SYNPR: variants seen among roughly 807,000 people sequenced by gnomAD.
The protein encoded by SYNPR is synaptoporin.
In SYNPR, 23 loss-of-function variants were observed where a neutral mutation model predicts 32.9. That is an observed-to-expected ratio of 0.70 (90% CI 0.50 to 0.99). The LOEUF (loss-of-function observed/expected upper bound fraction) is 0.99, where lower values mean the gene tolerates loss of function less well. Among genes scored for constraint, SYNPR ranks in the 50% least tolerant of loss-of-function variants. The pLI, the probability that SYNPR is intolerant of heterozygous loss-of-function variation, is 0.00. For missense variants in SYNPR, 318 were observed against 349.3 expected, an observed-to-expected ratio of 0.91 and a Z score of 0.71; for synonymous variants, 146 against 135.9, an observed-to-expected ratio of 1.07 and a Z score of -0.52.
intron 4 of SYNPR, among the ~76,000 whole-genome samples, chr3:63,574,240 C>A (rs886069761): frequency 8.5e-5 from 13 of 152,090 alleles, no homozygotes; most frequent in Non-Finnish European, 1.9e-4. Context: ...AAATTTATTT[C>A]CCACATTTTG....
chr3:63,502,778 T>C (rs2106739386), intron 3 of SYNPR, among the ~76,000 whole-genome samples: 1 of 152,288 alleles, frequency 6.6e-6, no homozygotes, highest in South Asian at 2.1e-4. Context: ...AGCTCCTTTC[T>C]TTTTAGCACT....
rs868064093 is a variant in SYNPR at position 63,490,732 on chromosome 3, C to A, written c.209+9776C>A. Reference sequence around the variant, plus strand: ...GTTCCTGATTTTGGTTCATGGGCACCCCTTGGACCCACTAGGTTTTTTGTT... The same window carrying A: ...GTTCCTGATTTTGGTTCATGGGCACACCTTGGACCCACTAGGTTTTTTGTT... On this transcript the variant is annotated intron_variant, in intron 3 of 5. Transcript: ENST00000478300. Among the ~76,000 whole-genome samples the A allele has an allele frequency of 1.2e-4, 18 of 152,004 alleles. No individual in the cohort carries two copies. In the Middle Eastern group the frequency reaches 0.01, roughly 86 times the overall value.
chr3:63,316,708 G>A (rs2087047215), intron 2 of SYNPR, among the ~76,000 whole-genome samples: 1 of 151,522 alleles, frequency 6.6e-6, no homozygotes, highest in Non-Finnish European at 1.5e-5. Flanking sequence ...TTTATCTTTT[G>A]TATTTTTTGC....
intron 4 of SYNPR, among the ~76,000 whole-genome samples, chr3:63,592,624 G>C (rs920775854): frequency 9.9e-5 from 15 of 152,078 alleles, no homozygotes; most frequent in South Asian, 2.1e-4. Flanking sequence ...GAATTATTAG[G>C]ATGTTTAAGG....
chr3:63,457,987 T>C (rs1700515898), intron 2 of SYNPR, among the ~76,000 whole-genome samples: 1 of 152,166 alleles, frequency 6.6e-6, no homozygotes. Flanking sequence ...AATTAATCTC[T>C]TTCCCAGATT....
At chr3:63,332,919 G>A (rs2087245598) in intron 2 of SYNPR, among the ~76,000 whole-genome samples, 2 of 152,178 alleles carry the variant, frequency 1.3e-5, no homozygotes, top group South Asian at 4.2e-4. Context: ...GGATGGCAGT[G>A]GCATCCCAGG....
chr3:63,570,987 T>C (rs1702875832), intron 4 of SYNPR, among the ~76,000 whole-genome samples: 1 of 152,186 alleles, frequency 6.6e-6, no homozygotes, highest in Non-Finnish European at 1.5e-5. Flanking sequence ...CCCCAAAATA[T>C]AGACTACGCA....
chr3:63,293,783 CT>C (rs2086766355), intron 2 of SYNPR, among the ~76,000 whole-genome samples: 1 of 150,190 alleles, frequency 6.7e-6, no homozygotes. Flanking sequence ...CATGGTTATA[CT>C]GTGTGTGTGT....
At chr3:63,588,819 C>T (rs543028432) in intron 4 of SYNPR, among the ~76,000 whole-genome samples, 1 of 152,198 alleles carries the variant, frequency 6.6e-6, no homozygotes, top group Admixed American at 6.6e-5. Flanking sequence ...ATTGTGTGAA[C>T]TGATCCACCC....
At chr3:63,351,865 A>G (rs1485654205) in intron 2 of SYNPR, among the ~76,000 whole-genome samples, 1 of 152,246 alleles carries the variant, frequency 6.6e-6, no homozygotes, top group Non-Finnish European at 1.5e-5. Flanking sequence ...AAGTAGTGAA[A>G]GAATGAATGA....
At chr3:63,325,854 C>T (rs1488990987) in intron 2 of SYNPR, among the ~76,000 whole-genome samples, 1 of 152,048 alleles carries the variant, frequency 6.6e-6, no homozygotes, top group Non-Finnish European at 1.5e-5. Flanking sequence ...CTTTCACTTC[C>T]TGCTGAAGAT....
intron 2 of SYNPR, among the ~76,000 whole-genome samples, chr3:63,396,132 C>T (rs923854391): frequency 6.6e-6 from 1 of 152,120 alleles, no homozygotes; most frequent in African/African-American, 2.4e-5. Flanking sequence ...GAGTGATTAC[C>T]CCTGCACATT....
intron 1 of SYNPR, among the ~76,000 whole-genome samples, chr3:63,247,525 T>C (rs2086301458): frequency 6.6e-6 from 1 of 152,070 alleles, no homozygotes; most frequent in South Asian, 2.1e-4. Context: ...TCTCTGCCTA[T>C]GGAGTGTGCT....
At chr3:63,491,273 A>G (rs1701253200) in intron 3 of SYNPR, among the ~76,000 whole-genome samples, 1 of 152,172 alleles carries the variant, frequency 6.6e-6, no homozygotes. Context: ...TCAGGAAACA[A>G]GAGCTCATGC....
intron 4 of SYNPR, 119 bp downstream of exon 4, chr3:63,556,860 T>C: frequency 1.0e-6 from 1 of 970,004 alleles, no homozygotes; most frequent in South Asian, 2.0e-5. Flanking sequence ...GAAATCACAT[T>C]CTTTTTTATC....
intron 1 of SYNPR, among the ~76,000 whole-genome samples, chr3:63,232,842 C>G (rs758266642): frequency 5.9e-5 from 9 of 152,060 alleles, no homozygotes; most frequent in Non-Finnish European, 1.3e-4. Context: ...TAGAAAAAAA[C>G]AAAGATGCGG....
intron 4 of SYNPR, among the ~76,000 whole-genome samples, chr3:63,578,144 C>T (rs1196492350): frequency 6.6e-6 from 1 of 152,164 alleles, no homozygotes; most frequent in Non-Finnish European, 1.5e-5. Flanking sequence ...AAGGCTCAAG[C>T]TGGGAATCAC....
At chr3:63,591,649 C>A (rs1174999684) in intron 4 of SYNPR, among the ~76,000 whole-genome samples, 4 of 137,200 alleles carry the variant, frequency 2.9e-5, no homozygotes, top group African/African-American at 5.5e-5. Context: ...AGTTCATGTC[C>A]TTTGTAGGGA....
chr3:63,533,992 T>C (rs1702156821), intron 3 of SYNPR, among the ~76,000 whole-genome samples: 1 of 152,108 alleles, frequency 6.6e-6, no homozygotes, highest in Admixed American at 6.6e-5. Flanking sequence ...ATTAGAAAAC[T>C]ACTTTAAGGA....
Sources: allele counts gnomAD v4.1 joint callset (sites outside exome capture counted in the v4.1 genomes callset), GRCh38; gene constraint gnomAD v4.1.1; transcripts MANE v1.5; gene names NCBI Gene and HGNC (gene_info 2026-07-23, HGNC 2026-07-21).